SDK1: variants seen among roughly 807,000 people sequenced by gnomAD.
SDK1 encodes the protein sidekick cell adhesion molecule 1, also known as protein sidekick-1.
Under a neutral mutation model 245.5 loss-of-function variants are expected in SDK1, and 157 were observed. That is an observed-to-expected ratio of 0.64 (90% CI 0.56 to 0.73). SDK1 has a LOEUF of 0.73. Among genes scored for constraint, SDK1 ranks in the 30% least tolerant of loss-of-function variants. The probability of loss-of-function intolerance (pLI) is 0.00; values close to 1 mark genes in which losing one functional copy is unlikely to be tolerated. For synonymous variants in SDK1, 1,647 were observed against 1,278.5 expected (o/e 1.29, Z -6.15); for missense variants, 3,583 against 3,002.3 (o/e 1.19, Z -4.52).
chr7:3,380,952 T>A (rs537553971), intron 1 of SDK1, among the ~76,000 whole-genome samples: 2 of 152,228 alleles, frequency 1.3e-5, no homozygotes, highest in African/African-American at 4.8e-5. Context: ...TTTGTGGTTA[T>A]GTTTTTCAAA....
At chr7:3,557,505 T>A (rs1412588550) in intron 1 of SDK1, among the ~76,000 whole-genome samples, 4 of 152,192 alleles carry the variant, frequency 2.6e-5, no homozygotes, top group Non-Finnish European at 4.4e-5. Context: ...AGTGTCTTGA[T>A]GTGGTGATGG....
chr7:3,553,410 A>G (rs1392045280), intron 1 of SDK1, among the ~76,000 whole-genome samples: 1 of 152,168 alleles, frequency 6.6e-6, no homozygotes, highest in East Asian at 1.9e-4. Context: ...AAATAATGCA[A>G]GAAACAGAAG....
chr7:3,372,028 A>C (rs890328421), intron 1 of SDK1, among the ~76,000 whole-genome samples: 4 of 152,210 alleles, frequency 2.6e-5, no homozygotes, highest in Non-Finnish European at 5.9e-5. Context: ...TGGTTCAGTA[A>C]CTGTCATCAG....
intron 1 of SDK1, among the ~76,000 whole-genome samples, chr7:3,609,338 C>T (rs772986930): frequency 6.6e-5 from 10 of 152,168 alleles, no homozygotes; most frequent in Admixed American, 6.5e-4. Context: ...GAAACCCAGA[C>T]ATAGGGGTTA....
At chr7:3,523,555 A>G (rs1783016183) in intron 1 of SDK1, among the ~76,000 whole-genome samples, 2 of 152,110 alleles carry the variant, frequency 1.3e-5, no homozygotes, top group African/African-American at 4.8e-5. Flanking sequence ...AGACTCCTGT[A>G]GACGGTCTTT....
chr7:3,787,287 C>G (rs1274612890), intron 4 of SDK1, among the ~76,000 whole-genome samples: 1 of 151,906 alleles, frequency 6.6e-6, no homozygotes, highest in Non-Finnish European at 1.5e-5. Flanking sequence ...TTATAATTGA[C>G]AAAATTATTT....
chr7:3,524,116 A>G (rs1220980465), intron 1 of SDK1, among the ~76,000 whole-genome samples: 1 of 152,234 alleles, frequency 6.6e-6, no homozygotes, highest in Non-Finnish European at 1.5e-5. Context: ...GCAGGAAGGA[A>G]GGGAGTTAAC....
intron 25 of SDK1, among the ~76,000 whole-genome samples, chr7:4,120,327 C>T (rs145465780): frequency 6.7e-6 from 1 of 148,822 alleles, no homozygotes; most frequent in African/African-American, 2.5e-5. Flanking sequence ...GATGTATTTG[C>T]TACAACTGTA....
intron 1 of SDK1, among the ~76,000 whole-genome samples, chr7:3,608,666 G>A (rs1268291255): frequency 2.6e-5 from 4 of 152,172 alleles, no homozygotes; most frequent in Admixed American, 2.0e-4. Flanking sequence ...CGTTTGGAAG[G>A]TCTGCATCAC....
intron 1 of SDK1, among the ~76,000 whole-genome samples, chr7:3,455,794 C>G (rs1012823702): frequency 2.0e-5 from 3 of 152,082 alleles, no homozygotes; most frequent in African/African-American, 7.2e-5. Flanking sequence ...TTTAAATAGT[C>G]TTATCTGTGT....
At chr7:3,509,085 C>CGTGTGTGTGCGT (rs1554281970) in intron 1 of SDK1, among the ~76,000 whole-genome samples, 1 of 149,310 alleles carries the variant, frequency 6.7e-6, no homozygotes, top group Non-Finnish European at 1.5e-5. Context: ...TGTGTGTGTG[C>CGTGTGTGTGCGT]GTGTGTGTGT....
chr7:4,189,244 A>T (rs1783055231), intron 35 of SDK1, among the ~76,000 whole-genome samples: 1 of 152,032 alleles, frequency 6.6e-6, no homozygotes, highest in South Asian at 2.1e-4. Flanking sequence ...TTGTCAAGTC[A>T]TTCCTGGCAG....
At chr7:4,022,611 G>T (rs771899065) in intron 17 of SDK1, among the ~76,000 whole-genome samples, 4 of 152,100 alleles carry the variant, frequency 2.6e-5, no homozygotes, top group Admixed American at 6.5e-5. Flanking sequence ...TCTGCTGCAG[G>T]GGGAGGTAGC....
At chr7:4,025,826 G>A (rs1025410906) in intron 17 of SDK1, among the ~76,000 whole-genome samples, 1 of 152,162 alleles carries the variant, frequency 6.6e-6, no homozygotes, top group Admixed American at 6.5e-5. Context: ...CGAAGTCTCG[G>A]AAGAAAGCAG....
At chr7:4,121,191 G>C (rs1028757213) in intron 25 of SDK1, among the ~76,000 whole-genome samples, 1 of 152,050 alleles carries the variant, frequency 6.6e-6, no homozygotes, top group African/African-American at 2.4e-5. Flanking sequence ...ATGCTACTGT[G>C]TTTTAATTAA....
At chr7:3,404,915 TTAAG>T (rs1367829177) in intron 1 of SDK1, among the ~76,000 whole-genome samples, 2 of 152,192 alleles carry the variant, frequency 1.3e-5, no homozygotes, top group African/African-American at 2.4e-5. Context: ...AATGTTTGTA[TTAAG>T]TAAGTGAAAA....
intron 5 of SDK1, among the ~76,000 whole-genome samples, chr7:3,841,473 A>G (rs548743986): frequency 6.6e-6 from 1 of 152,298 alleles, no homozygotes; most frequent in South Asian, 2.1e-4. Flanking sequence ...ATCTTGCGCT[A>G]ATGAGTTTCT....
chr7:3,850,939 A>T (rs1448213761), intron 5 of SDK1, among the ~76,000 whole-genome samples: 3 of 152,204 alleles, frequency 2.0e-5, no homozygotes, highest in Non-Finnish European at 4.4e-5. Context: ...GAACACCAAC[A>T]TGGCACATGT....
chr7:3,778,719 G>A (rs145266227), intron 4 of SDK1, among the ~76,000 whole-genome samples: 109 of 152,244 alleles, frequency 7.2e-4, no homozygotes, highest in African/African-American at 2.4e-3. Flanking sequence ...TATACTTGGC[G>A]GAATGGCTGA....
Sources: gnomAD v4.1 joint callset for allele counts (sites outside exome capture counted in the v4.1 genomes callset) on GRCh38, gnomAD v4.1.1 for gene constraint, MANE v1.5 for transcripts, NCBI Gene and HGNC (gene_info 2026-07-23, HGNC 2026-07-21) for gene names.